OSBP2: variants seen among roughly 807,000 people sequenced by gnomAD.
OSBP2 encodes oxysterol-binding protein 2.
A neutral mutation model predicts 96.0 loss-of-function variants in OSBP2; 66 were observed. The ratio of observed to expected loss-of-function variants is 0.69; its 90% CI spans 0.56 to 0.84. OSBP2 has a LOEUF of 0.84. OSBP2 is among the 40% of genes least tolerant of loss of function. OSBP2 has a pLI of 0.00. For synonymous variants in OSBP2, 525 were observed against 520.9 expected (o/e 1.01, Z -0.11); for missense variants, 1,038 against 1,222.7 (o/e 0.85, Z 2.25).
At chr22:30,847,322 C>T (rs974161095) in intron 2 of OSBP2, among the ~76,000 whole-genome samples, 4 of 152,012 alleles carry the variant, frequency 2.6e-5, no homozygotes, top group African/African-American at 4.8e-5. Flanking sequence ...TTGCTGTTCA[C>T]CCAGGCTGGA....
chr22:30,830,069 A>C (rs1008844140), intron 2 of OSBP2, among the ~76,000 whole-genome samples: 21 of 152,078 alleles, frequency 1.4e-4, no homozygotes, highest in African/African-American at 4.8e-4. Context: ...TCTTCTTCTG[A>C]CCTCATCAGG....
chr22:30,731,334 G>T (rs1031588175), intron 1 of OSBP2, among the ~76,000 whole-genome samples: 1 of 152,042 alleles, frequency 6.6e-6, no homozygotes, highest in African/African-American at 2.4e-5. Flanking sequence ...ACAGAGACAC[G>T]GTGGGTCGCT....
At chr22:30,840,160 GTAAC>G (rs1287760303) in intron 2 of OSBP2, among the ~76,000 whole-genome samples, 1 of 145,154 alleles carries the variant, frequency 6.9e-6, no homozygotes, top group Non-Finnish European at 1.5e-5. Flanking sequence ...GTATACATAT[GTAAC>G]TAACCTGCAC....
At chr22:30,857,952 C>G (rs1233838119) in intron 2 of OSBP2, among the ~76,000 whole-genome samples, 1 of 152,194 alleles carries the variant, frequency 6.6e-6, no homozygotes, top group African/African-American at 2.4e-5. Context: ...GCTGAAGGGC[C>G]TCCTGGAACA....
chr22:30,822,586 C>A, intron 2 of OSBP2: 1 of 1,520,072 alleles, frequency 6.6e-7, no homozygotes, highest in Middle Eastern at 2.2e-4. Flanking sequence ...CGGGACCCGG[C>A]GCCATGTAGC....
At chr22:30,766,383 T>A (rs1341005686) in intron 2 of OSBP2, among the ~76,000 whole-genome samples, 1 of 152,214 alleles carries the variant, frequency 6.6e-6, no homozygotes, top group Non-Finnish European at 1.5e-5. Context: ...CCTTCCTCCC[T>A]GGCTATGACT....
chr22:30,850,138 T>C (rs2038951254), intron 2 of OSBP2, among the ~76,000 whole-genome samples: 1 of 151,866 alleles, frequency 6.6e-6, no homozygotes, highest in Non-Finnish European at 1.5e-5. Flanking sequence ...CCCCATTCTC[T>C]ACTAAAAATA....
At chr22:30,741,014 C>T in intron 1 of OSBP2, 147 bp from the exon 2 acceptor site, 1 of 657,502 alleles carries the variant, frequency 1.5e-6, no homozygotes, top group Non-Finnish European at 2.7e-6. Context: ...CCAGGCAGTT[C>T]CAATAGGCAT....
At chr22:30,819,339 C>T (rs1602309760) in intron 2 of OSBP2, among the ~76,000 whole-genome samples, 1 of 152,214 alleles carries the variant, frequency 6.6e-6, no homozygotes, top group South Asian at 2.1e-4. Flanking sequence ...TGAAAAGACA[C>T]CCATGATGCA....
At chr22:30,905,178 A>T (rs2040303340) in intron 12 of OSBP2, among the ~76,000 whole-genome samples, 1 of 123,748 alleles carries the variant, frequency 8.1e-6, no homozygotes, top group African/African-American at 3.1e-5. Flanking sequence ...CGGAGCCTCG[A>T]ACTGTCGCCC....
At chr22:30,730,760 C>A (rs1428748784) in intron 1 of OSBP2, among the ~76,000 whole-genome samples, 2 of 41,974 alleles carry the variant, frequency 4.8e-5, no homozygotes, top group Non-Finnish European at 8.9e-5. Flanking sequence ...CTCTCTCTCT[C>A]TCTCTCTCTC....
At chr22:30,887,806 T>C (rs1448642426) in intron 4 of OSBP2, among the ~76,000 whole-genome samples, 188 bp downstream of exon 4, 2 of 152,268 alleles carry the variant, frequency 1.3e-5, no homozygotes, top group Non-Finnish European at 2.9e-5. Context: ...ACAGTTTGTC[T>C]GCACCTAGGT....
intron 2 of OSBP2, among the ~76,000 whole-genome samples, chr22:30,751,448 A>G (rs2090072774): frequency 6.6e-6 from 1 of 151,834 alleles, no homozygotes; most frequent in African/African-American, 2.4e-5. Context: ...CCCATCTCCC[A>G]AGTTCAAGCA....
At chr22:30,858,510 C>T (rs1187148645) in intron 2 of OSBP2, among the ~76,000 whole-genome samples, 1 of 151,758 alleles carries the variant, frequency 6.6e-6, no homozygotes, top group Middle Eastern at 3.2e-3. Flanking sequence ...AAACTCAAAA[C>T]CTGGACTCTT....
rs181644690 is a variant in OSBP2, at chr22:30,877,927, G to A, written c.1107+7245G>A. 8.7e-3 allele frequency among the ~76,000 whole-genome samples: 1,328 copies of A among 152,366 alleles called. 13 individuals are homozygous for A. Among genetic ancestry groups the A allele is most frequent in the Non-Finnish European group, 0.014 (979 of 68,036 alleles). Reference sequence around the variant, plus strand: ...ACACAGCCCCAGCCTTGTGGGCCCCGCACCCTCCTGTGGGAGCTGTAACCA... The same window carrying A: ...ACACAGCCCCAGCCTTGTGGGCCCCACACCCTCCTGTGGGAGCTGTAACCA... On this transcript the variant is annotated intron_variant, in intron 3 of 13. Transcript: ENST00000332585.
At chr22:30,748,587 G>A (rs136349) in intron 2 of OSBP2, among the ~76,000 whole-genome samples, 8,867 of 152,250 alleles carry the variant, frequency 0.058, 273 homozygotes, top group Middle Eastern at 0.096. Context: ...ACCCTTGGCA[G>A]CACCAGCAGT....
chr22:30,833,165 G>A (rs1288849115), intron 2 of OSBP2, among the ~76,000 whole-genome samples: 6 of 152,248 alleles, frequency 3.9e-5, no homozygotes, highest in Middle Eastern at 6.8e-3. Context: ...AACCCCTATG[G>A]TACAGACAAG....
chr22:30,902,212 C>T (rs2040228402), intron 12 of OSBP2: 1 of 1,327,768 alleles, frequency 7.5e-7, no homozygotes, highest in East Asian at 2.4e-5. Context: ...GAGTCGCTCA[C>T]AGAGCCCCAC....
intron 2 of OSBP2, among the ~76,000 whole-genome samples, chr22:30,854,407 C>G (rs964268531): frequency 6.8e-6 from 1 of 147,910 alleles, no homozygotes; most frequent in African/African-American, 2.5e-5. Context: ...CTCCCAGGTT[C>G]AAGTGATTCT....
Sources: gnomAD v4.1 joint callset for allele counts (sites outside exome capture counted in the v4.1 genomes callset) on GRCh38, gnomAD v4.1.1 for gene constraint, MANE v1.5 for transcripts, NCBI Gene and HGNC (gene_info 2026-07-23, HGNC 2026-07-21) for gene names.